The following DSCAML1 variants were observed in gnomAD, a reference collection of about 807,000 sequenced individuals.
DSCAML1 encodes DS cell adhesion molecule like 1.
In DSCAML1, 38 loss-of-function variants were observed where a neutral mutation model predicts 200.5. The observed-to-expected ratio is 0.19, with a 90% confidence interval of 0.15 to 0.25. DSCAML1 has a LOEUF of 0.25. Ranked by LOEUF, DSCAML1 falls within the 10% of genes least tolerant of loss-of-function variation. The pLI is 1.00. For missense variants in DSCAML1, 2,223 were observed against 2,858.8 expected, an observed-to-expected ratio of 0.78 and a Z score of 5.07; for synonymous variants, 1,215 against 1,165.0, an observed-to-expected ratio of 1.04 and a Z score of -0.87.
chr11:117,731,257 C>G (rs1316670953), intron 3 of DSCAML1, among the ~76,000 whole-genome samples: 1 of 152,078 alleles, frequency 6.6e-6, no homozygotes, highest in African/African-American at 2.4e-5. Flanking sequence ...CTTAGCAAGC[C>G]AAGTGCAATA....
chr11:117,734,618 C>A (rs1591452969), intron 3 of DSCAML1, among the ~76,000 whole-genome samples: 1 of 152,328 alleles, frequency 6.6e-6, no homozygotes, highest in East Asian at 1.9e-4. Context: ...CTGATCTCTT[C>A]CGTAGCTTTT....
chr11:117,588,006 C>T (rs1038896315), intron 3 of DSCAML1, among the ~76,000 whole-genome samples: 5 of 152,198 alleles, frequency 3.3e-5, no homozygotes, highest in Admixed American at 6.5e-5. Context: ...GCAAATGGTA[C>T]ATGGTGTTTC....
At chr11:117,440,724 C>T (rs913617874) in intron 21 of DSCAML1, among the ~76,000 whole-genome samples, 7 of 152,066 alleles carry the variant, frequency 4.6e-5, no homozygotes, top group African/African-American at 9.7e-5. Flanking sequence ...TCAAGACCAG[C>T]CTGGCCAACA....
chr11:117,511,260 C>T (rs1308402133), intron 8 of DSCAML1, among the ~76,000 whole-genome samples: 2 of 152,196 alleles, frequency 1.3e-5, no homozygotes, highest in South Asian at 2.1e-4. Context: ...CCACAGAAGC[C>T]TGGCACCACC....
intron 3 of DSCAML1, among the ~76,000 whole-genome samples, chr11:117,629,472 C>A (rs1488841367): frequency 6.8e-6 from 1 of 147,684 alleles, no homozygotes; most frequent in African/African-American, 2.4e-5. Flanking sequence ...GGACAAAGGA[C>A]AGTGCTCTCC....
At chr11:117,483,244 G>C (rs901994119) in intron 11 of DSCAML1, among the ~76,000 whole-genome samples, 1 of 152,182 alleles carries the variant, frequency 6.6e-6, no homozygotes, top group Non-Finnish European at 1.5e-5. Flanking sequence ...ATGAGACCTC[G>C]TGCCAGGCTG....
chr11:117,562,766 C>T (rs1425320726), intron 3 of DSCAML1, among the ~76,000 whole-genome samples: 1 of 152,196 alleles, frequency 6.6e-6, no homozygotes, highest in African/African-American at 2.4e-5. Flanking sequence ...GAGACAGACT[C>T]TGTTGCCCAG....
chr11:117,672,850 T>G (rs1345436197), intron 3 of DSCAML1, among the ~76,000 whole-genome samples: 2 of 152,192 alleles, frequency 1.3e-5, no homozygotes, highest in African/African-American at 4.8e-5. Flanking sequence ...TTATGCCAAG[T>G]AAGGAGACAA....
intron 3 of DSCAML1, among the ~76,000 whole-genome samples, chr11:117,709,156 A>T (rs1020191328): frequency 6.6e-6 from 1 of 152,218 alleles, no homozygotes; most frequent in African/African-American, 2.4e-5. Context: ...CCTAGTTTCA[A>T]TGTGTGACCC....
At chr11:117,626,905 C>T (rs561008909) in intron 3 of DSCAML1, among the ~76,000 whole-genome samples, 26 of 152,268 alleles carry the variant, frequency 1.7e-4, no homozygotes, top group Middle Eastern at 3.4e-3. Context: ...TGACCACCAG[C>T]ACCCTGATCC....
chr11:117,782,352 T>A (rs1340743104), intron 1 of DSCAML1, among the ~76,000 whole-genome samples: 2 of 152,224 alleles, frequency 1.3e-5, no homozygotes, highest in African/African-American at 4.8e-5. Flanking sequence ...TTCGTGGGCT[T>A]CTTGCTGCGG....
At chr11:117,691,326 C>T (rs564155589) in intron 3 of DSCAML1, among the ~76,000 whole-genome samples, 2 of 152,254 alleles carry the variant, frequency 1.3e-5, no homozygotes, top group South Asian at 4.1e-4. Context: ...CCTTTGGGGA[C>T]CCGCCCAGTC....
At chr11:117,539,103 G>A (rs866492429) in intron 3 of DSCAML1, among the ~76,000 whole-genome samples, 3 of 152,080 alleles carry the variant, frequency 2.0e-5, no homozygotes, top group Non-Finnish European at 4.4e-5. Context: ...ATGAATGCAC[G>A]AAGAAATTTC....
In DSCAML1 at chr11:117,802,451, C is replaced by G. The variant is rs115997226; in HGVS notation, c.-250+14939G>C. On this transcript the variant is annotated intron_variant, in intron 1 of 2. Transcript: ENST00000525836. ...GGCCCTAGCCTGGTGCCTCCTGGCT[C>G]TAGGGGTACACTCAGTAAGTGTTGA... Among the ~76,000 whole-genome samples the G allele has an allele frequency of 7.4e-4, 112 of 152,292 alleles. 1 individual carries two copies. Among genetic ancestry groups the G allele is most frequent in the African/African-American group, 2.6e-3 (108 of 41,554 alleles).
intron 1 of DSCAML1, among the ~76,000 whole-genome samples, chr11:117,788,158 G>C (rs1383649090): frequency 6.6e-6 from 1 of 152,226 alleles, no homozygotes; most frequent in Non-Finnish European, 1.5e-5. Context: ...GGCAGCCTGA[G>C]CTGGTATGGT....
At chr11:117,577,504 T>A (rs2050963759) in intron 3 of DSCAML1, among the ~76,000 whole-genome samples, 3 of 25,984 alleles carry the variant, frequency 1.2e-4, no homozygotes, top group Non-Finnish European at 1.9e-4. Flanking sequence ...CTTCCTTCCT[T>A]CCCTCCTTCC....
chr11:117,778,179 TGAG>T (rs1381573087), intron 2 of DSCAML1, among the ~76,000 whole-genome samples: 1 of 152,152 alleles, frequency 6.6e-6, no homozygotes, highest in Non-Finnish European at 1.5e-5. Context: ...GTGGCTGTGA[TGAG>T]GAGAAGATGT....
At chr11:117,553,560 CA>C (rs1176735966) in intron 3 of DSCAML1, among the ~76,000 whole-genome samples, 6 of 152,176 alleles carry the variant, frequency 3.9e-5, no homozygotes, top group African/African-American at 1.2e-4. Flanking sequence ...AATGAAAAAT[CA>C]AAACCGCATT....
At chr11:117,460,762 C>A (rs561179504) in intron 18 of DSCAML1, among the ~76,000 whole-genome samples, 108 of 152,284 alleles carry the variant, frequency 7.1e-4, no homozygotes, top group African/African-American at 2.4e-3. Flanking sequence ...TACCCCCCTG[C>A]TCCACTGTGC....
Sources: gnomAD v4.1 joint callset for allele counts (sites outside exome capture counted in the v4.1 genomes callset) on GRCh38, gnomAD v4.1.1 for gene constraint, MANE v1.5 for transcripts, NCBI Gene and HGNC (gene_info 2026-07-23, HGNC 2026-07-21) for gene names.